Variants in EFHC2 observed in about 807,000 individuals in gnomAD.
EFHC2 encodes EF-hand domain containing 2.
A neutral mutation model predicts 52.7 loss-of-function variants in EFHC2; 18 were observed. The observed-to-expected ratio is 0.34, with a 90% CI of 0.24 to 0.51. The LOEUF is 0.51. Ranked by LOEUF, EFHC2 falls within the 20% of genes least tolerant of loss-of-function variation. EFHC2 has a pLI of 0.97. For missense variants in EFHC2, 513 were observed against 562.5 expected, an observed-to-expected ratio of 0.91 and a Z score of 0.89; for synonymous variants, 203 against 204.1, an observed-to-expected ratio of 0.99 and a Z score of 0.04.
At chrX:44,165,174 T>C (rs955446958) in intron 13 of EFHC2, among the ~76,000 whole-genome samples, 1 of 111,924 alleles carries the variant, frequency 8.9e-6, no homozygotes, top group Non-Finnish European at 1.9e-5. Context: ...AAGATTTTTC[T>C]CTTTTCTTCT....
At chrX:44,301,328 C>G (rs756285654) in intron 2 of EFHC2, among the ~76,000 whole-genome samples, 1 of 109,401 alleles carries the variant, frequency 9.1e-6, no homozygotes, top group Non-Finnish European at 1.9e-5. Flanking sequence ...CCCACTCCCC[C>G]CCCGACCAAA....
At chrX:44,195,710 G>A (rs1273656668) in intron 11 of EFHC2, among the ~76,000 whole-genome samples, 2 of 110,906 alleles carry the variant, frequency 1.8e-5, no homozygotes, top group Non-Finnish European at 3.8e-5. Flanking sequence ...TTCTTCTAGG[G>A]AATACTGTCA....
At chrX:44,254,636 C>A (rs1171471503) in intron 4 of EFHC2, among the ~76,000 whole-genome samples, 1 of 111,848 alleles carries the variant, frequency 8.9e-6, no homozygotes, top group East Asian at 2.8e-4. Context: ...AAAGACCAAA[C>A]GTACGTTTGA....
chrX:44,328,077 AT>A (rs1335736844), intron 1 of EFHC2, among the ~76,000 whole-genome samples: 1 of 110,055 alleles, frequency 9.1e-6, no homozygotes, highest in African/African-American at 3.4e-5. Flanking sequence ...AATTCTAAAG[AT>A]TTTACCCAAA....
intron 2 of EFHC2, among the ~76,000 whole-genome samples, chrX:44,292,128 A>C (rs953750129): frequency 1.8e-5 from 2 of 111,668 alleles, no homozygotes; most frequent in Non-Finnish European, 3.8e-5. Context: ...AAAAAATTAT[A>C]TATATGTGTG....
At position 44,248,688 on chromosome X, in the gene EFHC2, T is replaced by A. The variant is rs1569293121; in HGVS notation, c.972+115A>T. On this transcript the variant is annotated intron_variant, in intron 6 of 14. Coordinates refer to ENST00000420999, the MANE Select transcript of EFHC2 (RefSeq NM_025184.4). ...AATAGCAGTACAATGCATACATTTA[T>A]GTATTCATCGATTTCATTCACAATC... is the stretch of plus-strand genomic sequence containing the variant. 11 of 595,245 alleles carry A rather than the reference T, an allele frequency of 1.8e-5. No homozygotes were observed. The South Asian group carries it at 3.1e-4, about 17-fold the overall frequency. The allele number at this position is 595,245 out of a possible 1,213,427, so 49.1% of individuals were successfully genotyped here. A position where few individuals can be genotyped will look rare whatever the true frequency, so the allele number is the denominator to read the frequency against.
intron 1 of EFHC2, among the ~76,000 whole-genome samples, chrX:44,316,537 A>C (rs752963533): frequency 3.6e-5 from 4 of 112,128 alleles, no homozygotes; most frequent in Non-Finnish European, 1.9e-5. Context: ...GTCAAAGGAT[A>C]CTATCAAGAG....
chrX:44,212,149 T>C (rs758856392), intron 11 of EFHC2, among the ~76,000 whole-genome samples: 2 of 110,669 alleles, frequency 1.8e-5, no homozygotes, highest in South Asian at 7.6e-4. Context: ...CTTGAGAGGC[T>C]GAGGTGGGAG....
At chrX:44,332,585 T>C (rs2038093618) in intron 1 of EFHC2, among the ~76,000 whole-genome samples, 1 of 111,246 alleles carries the variant, frequency 9.0e-6, no homozygotes, top group Non-Finnish European at 1.9e-5. Context: ...TCTGCAACTA[T>C]AGAAACAGAA....
chrX:44,197,899 G>A (rs920501241), intron 11 of EFHC2, among the ~76,000 whole-genome samples: 1 of 112,009 alleles, frequency 8.9e-6, no homozygotes, highest in Non-Finnish European at 1.9e-5. Context: ...CTACAAATTA[G>A]CATTTACTTA....
chrX:44,215,338 C>T (rs1424169824), intron 11 of EFHC2, among the ~76,000 whole-genome samples: 2 of 110,879 alleles, frequency 1.8e-5, no homozygotes, highest in Admixed American at 9.7e-5. Context: ...TCTAGAGCAA[C>T]CACTAAAAAT....
chrX:44,223,890 C>T (rs2037212375), intron 11 of EFHC2, among the ~76,000 whole-genome samples: 1 of 111,589 alleles, frequency 9.0e-6, no homozygotes, highest in African/African-American at 3.3e-5. Context: ...CAATAAAAAA[C>T]ACCAATAGCA....
intron 1 of EFHC2, among the ~76,000 whole-genome samples, chrX:44,324,150 G>C (rs1255167626): frequency 1.8e-5 from 2 of 110,580 alleles, no homozygotes; most frequent in South Asian, 4.0e-4. Flanking sequence ...TAAAACCTAA[G>C]ATAATTTTCA....
intron 14 of EFHC2, among the ~76,000 whole-genome samples, chrX:44,149,349 G>C (rs973817519): frequency 1.8e-4 from 20 of 111,620 alleles, no homozygotes; most frequent in African/African-American, 6.5e-4. Context: ...TGCGGACTAA[G>C]AGCCAAGCTT....
At chrX:44,176,218 A>T (rs907498489) in intron 13 of EFHC2, 74 bp downstream of exon 13, 3 of 797,681 alleles carry the variant, frequency 3.8e-6, no homozygotes, top group South Asian at 5.1e-5. Flanking sequence ...TTAAAGGGAG[A>T]TGTAAAACCA....
At chrX:44,183,333 G>A (rs140783613) in intron 11 of EFHC2, among the ~76,000 whole-genome samples, 103 of 111,695 alleles carry the variant, frequency 9.2e-4, no homozygotes, top group Admixed American at 1.4e-3. Flanking sequence ...GTGCACACCT[G>A]CTCATATCCT....
intron 14 of EFHC2, among the ~76,000 whole-genome samples, chrX:44,160,026 T>G (rs1483551275): frequency 8.9e-6 from 1 of 112,248 alleles, no homozygotes; most frequent in Non-Finnish European, 1.9e-5. Flanking sequence ...AAAGGTTGAG[T>G]GCTTTGTAAA....
intron 1 of EFHC2, among the ~76,000 whole-genome samples, chrX:44,336,795 T>C (rs2038120326): frequency 8.9e-6 from 1 of 112,103 alleles, no homozygotes; most frequent in South Asian, 3.6e-4. Context: ...AAACACAGAT[T>C]TCAGAGTGGA....
At chrX:44,179,751 C>T (rs147397640) in intron 11 of EFHC2, among the ~76,000 whole-genome samples, 29 of 112,284 alleles carry the variant, frequency 2.6e-4, no homozygotes, top group Non-Finnish European at 4.7e-4. Flanking sequence ...GTAATATTGG[C>T]AGGAGGCTCG....
Sources: gnomAD v4.1 joint callset for allele counts (sites outside exome capture counted in the v4.1 genomes callset) on GRCh38, gnomAD v4.1.1 for gene constraint, MANE v1.5 for transcripts, NCBI Gene and HGNC (gene_info 2026-07-23, HGNC 2026-07-21) for gene names.